Variants in HHIP observed in about 807,000 individuals in gnomAD.
The protein encoded by HHIP is hedgehog interacting protein.
A neutral mutation model predicts 74.0 loss-of-function variants in HHIP; 12 were observed. The observed-to-expected ratio is 0.16, with a 90% CI of 0.10 to 0.26. The LOEUF (loss-of-function observed/expected upper bound fraction) is 0.26. HHIP is among the 10% of genes least tolerant of loss of function. The pLI, the probability that HHIP is intolerant of heterozygous loss-of-function variation, is 1.00. For synonymous variants in HHIP, 309 were observed against 311.6 expected (o/e 0.99, Z 0.09); for missense variants, 788 against 845.0 (o/e 0.93, Z 0.84).
In HHIP at chr4:144,734,760, T is replaced by TGCAGAGCCA. The variant is rs1309735825; in HGVS notation, c.1781_1789dup (p.Ala596_Thr597insSerArgAla). On this transcript the variant is annotated inframe_insertion, in exon 12 of 13. Transcript: ENST00000296575. ...ATGTAGACCTTTAATGCCTGAGGAA[T>TGCAGAGCCA]GCAGAGCCACGGTACAACCTGCACA... The TGCAGAGCCA allele has an allele frequency of 1.3e-6, 2 of 1,595,018 alleles. No homozygotes were observed. The highest frequency in any genetic ancestry group is 3.3e-5 in the Admixed American group (2 of 59,746).
At chr4:144,668,729 T>G (rs1399092625) in intron 4 of HHIP, among the ~76,000 whole-genome samples, 1 of 152,090 alleles carries the variant, frequency 6.6e-6, no homozygotes, top group Non-Finnish European at 1.5e-5. Flanking sequence ...TCCAGCCTGG[T>G]GACAGAGCAA....
At chr4:144,735,259 A>G (rs570338747) in intron 12 of HHIP, among the ~76,000 whole-genome samples, 1 of 152,270 alleles carries the variant, frequency 6.6e-6, no homozygotes, top group South Asian at 2.1e-4. Flanking sequence ...AAGCGCTAGC[A>G]TTTTCCAGAC....
intron 7 of HHIP, among the ~76,000 whole-genome samples, chr4:144,710,719 G>A (rs548465890): frequency 3.9e-5 from 6 of 152,232 alleles, no homozygotes; most frequent in Admixed American, 6.5e-5. Context: ...TGTGATGGGG[G>A]TGAGGGAGTG....
intron 4 of HHIP, among the ~76,000 whole-genome samples, chr4:144,676,557 T>C (rs1316494254): frequency 6.6e-6 from 1 of 152,206 alleles, no homozygotes; most frequent in African/African-American, 2.4e-5. Context: ...TCAGTTTCCA[T>C]TCAACCTGGA....
intron 7 of HHIP, among the ~76,000 whole-genome samples, chr4:144,710,423 G>T (rs545211290): frequency 2.6e-5 from 4 of 152,192 alleles, no homozygotes; most frequent in Admixed American, 2.6e-4. Context: ...CACGCTTATG[G>T]TTTCCCTATC....
intron 12 of HHIP, among the ~76,000 whole-genome samples, chr4:144,736,292 T>A (rs1435450880): frequency 6.6e-6 from 1 of 151,882 alleles, no homozygotes; most frequent in African/African-American, 2.4e-5. Flanking sequence ...CCCACCACCA[T>A]GCCCTCCTAA....
chr4:144,723,913 C>G (rs541482704), intron 11 of HHIP, among the ~76,000 whole-genome samples: 1 of 152,098 alleles, frequency 6.6e-6, no homozygotes, highest in Non-Finnish European at 1.5e-5. Context: ...TTCTATGTAT[C>G]CAGTAACCAA....
chr4:144,667,289 C>T (rs1426550581), intron 4 of HHIP, among the ~76,000 whole-genome samples: 1 of 152,124 alleles, frequency 6.6e-6, no homozygotes, highest in Non-Finnish European at 1.5e-5. Context: ...TTCAAGGTTG[C>T]AGTGAGCTAT....
At chr4:144,722,951 G>C (rs949968772) in intron 11 of HHIP, among the ~76,000 whole-genome samples, 5 of 151,956 alleles carry the variant, frequency 3.3e-5, no homozygotes, top group Non-Finnish European at 7.4e-5. Context: ...TCCTAGGGGT[G>C]GAAATTAAAG....
At chr4:144,705,301 T>A (rs1170077346) in intron 4 of HHIP, among the ~76,000 whole-genome samples, 1 of 152,206 alleles carries the variant, frequency 6.6e-6, no homozygotes, top group Non-Finnish European at 1.5e-5. Flanking sequence ...CATATACTAT[T>A]GTGTGGGGGA....
intron 11 of HHIP, among the ~76,000 whole-genome samples, chr4:144,721,656 T>C (rs1208843422): frequency 6.6e-6 from 1 of 150,884 alleles, no homozygotes; most frequent in African/African-American, 2.4e-5. Context: ...ATCCCAGCAC[T>C]TTGGGAGGCC....
intron 11 of HHIP, among the ~76,000 whole-genome samples, chr4:144,734,270 G>C (rs1315877084): frequency 1.3e-5 from 2 of 151,266 alleles, no homozygotes; most frequent in African/African-American, 4.9e-5. Flanking sequence ...AGCTTTTCAG[G>C]CTACAAGTCA....
intron 11 of HHIP, among the ~76,000 whole-genome samples, chr4:144,721,639 G>A (rs368528215): frequency 1.3e-4 from 20 of 150,392 alleles, no homozygotes; most frequent in Admixed American, 6.0e-4. Context: ...GGTGGCTCAC[G>A]CCTGTAATCC....
chr4:144,738,729 G>C lies in HHIP; in HGVS notation c.*772G>C, dbSNP rs1348077453. ...ATTTTTATAATATAGACATCACCTA[G>C]ATGAAACACCTTTACCCTGTCCTGT... On this transcript the variant is annotated 3_prime_UTR_variant, in exon 13 of 13. Coordinates refer to ENST00000296575, the MANE Select transcript of HHIP (RefSeq NM_022475.3). 1 of 841,146 alleles carries C rather than the reference G, an allele frequency of 1.2e-6. No homozygotes were observed. The highest frequency in any genetic ancestry group is 1.8e-5 in the African/African-American group (1 of 54,098). 52.1% of individuals were successfully genotyped at this position (841,146 alleles called of 1,614,324 possible).
rs1731290684 is a variant in HHIP, at chr4:144,742,869, T to TATC, written c.*4913_*4915dup. On this transcript the variant is annotated 3_prime_UTR_variant, in exon 13 of 13. Transcript: ENST00000296575. ...TCTTTATATATATATCTTATATATA[T>TATC]ATCTTTTTATATATATCTTATATAT... is the stretch of plus-strand genomic sequence containing the variant. 1 of 137,218 alleles carries TATC rather than the reference T, an allele frequency of 7.3e-6. No homozygotes were observed. Among genetic ancestry groups the TATC allele is most frequent in the Admixed American group, 7.5e-5 (1 of 13,390 alleles). The allele number at this position is 137,218 out of a possible 1,614,324, so 8.5% of individuals were successfully genotyped here. A position where few individuals can be genotyped will look rare whatever the true frequency, so the allele number is the denominator to read the frequency against.
At chr4:144,662,413 T>C (rs1283425672) in intron 4 of HHIP, among the ~76,000 whole-genome samples, 5 of 152,176 alleles carry the variant, frequency 3.3e-5, no homozygotes, top group Admixed American at 2.0e-4. Context: ...TTGTAGGAGA[T>C]TGTAGTACCC....
intron 4 of HHIP, among the ~76,000 whole-genome samples, chr4:144,668,735 A>G (rs1318245505): frequency 1.3e-5 from 2 of 152,196 alleles, no homozygotes; most frequent in Non-Finnish European, 1.5e-5. Flanking sequence ...CTGGTGACAG[A>G]GCAAGAGTCC....
intron 4 of HHIP, among the ~76,000 whole-genome samples, chr4:144,680,291 GT>G (rs1225014128): frequency 6.6e-6 from 1 of 152,096 alleles, no homozygotes; most frequent in African/African-American, 2.4e-5. Context: ...TAAAAGCAAT[GT>G]TTAATTTACT....
At chr4:144,667,202 T>C (rs1187696451) in intron 4 of HHIP, among the ~76,000 whole-genome samples, 1 of 151,952 alleles carries the variant, frequency 6.6e-6, no homozygotes, top group Non-Finnish European at 1.5e-5. Flanking sequence ...ATTTAAACAT[T>C]AGCCAGGTGT....
Sources: allele counts gnomAD v4.1 joint callset (sites outside exome capture counted in the v4.1 genomes callset), GRCh38; gene constraint gnomAD v4.1.1; transcripts MANE v1.5; gene names NCBI Gene and HGNC (gene_info 2026-07-23, HGNC 2026-07-21).